FIG4: variants seen among roughly 807,000 people sequenced by gnomAD.
The protein encoded by FIG4 is FIG4 phosphoinositide 5-phosphatase.
A neutral mutation model predicts 118.6 loss-of-function variants in FIG4; 112 were observed. That is an observed-to-expected ratio of 0.94 (90% CI 0.81 to 1.11). The LOEUF (loss-of-function observed/expected upper bound fraction) is 1.11, where lower values mean the gene tolerates loss of function less well. FIG4 is among the 50% of genes least tolerant of loss of function. The probability of loss-of-function intolerance (pLI) is 0.00; values close to 1 mark genes in which losing one functional copy is unlikely to be tolerated. For missense variants in FIG4, 969 were observed against 1,111.7 expected (o/e 0.87, Z 1.83); for synonymous variants, 369 against 381.2 (o/e 0.97, Z 0.37).
chr6:109,800,687 C>A (rs2128399049), intron 22 of FIG4, among the ~76,000 whole-genome samples: 1 of 152,288 alleles, frequency 6.6e-6, no homozygotes, highest in South Asian at 2.1e-4. Flanking sequence ...GGTTGAGGCC[C>A]CATGAGCATC....
chr6:109,769,152 G>C (rs1179319212), intron 15 of FIG4, among the ~76,000 whole-genome samples: 1 of 151,304 alleles, frequency 6.6e-6, no homozygotes, highest in East Asian at 1.9e-4. Context: ...CTACAGGCTG[G>C]AGTGCAGTGG....
At position 109,725,681 on chromosome 6, in the gene FIG4, C is replaced by T. The variant is rs143680208; in HGVS notation, c.290-1428C>T. On this transcript the variant is annotated intron_variant, in intron 3 of 22. Coordinates refer to ENST00000230124, the MANE Select transcript of FIG4 (RefSeq NM_014845.6). ...TCTAGATTCTTGAGGAATCACCACA[C>T]TGTCTTCCACAATGGTTGAACTAAT... 7.5e-3 allele frequency among the ~76,000 whole-genome samples: 1,147 copies of T among 152,308 alleles called. 17 individuals carry two copies. The highest frequency in any genetic ancestry group is 0.026 in the African/African-American group (1,097 of 41,562).
chr6:109,707,361 ACG>A (rs1480307810), intron 1 of FIG4, among the ~76,000 whole-genome samples: 2 of 53,694 alleles, frequency 3.7e-5, no homozygotes, highest in Non-Finnish European at 7.3e-5. Flanking sequence ...ATACATATAT[ACG>A]TGTATATATA....
intron 3 of FIG4, among the ~76,000 whole-genome samples, chr6:109,722,833 A>G (rs540478400): frequency 5.3e-5 from 8 of 152,198 alleles, no homozygotes; most frequent in South Asian, 2.1e-4. Context: ...GACCTTAGCC[A>G]TGCTTGCCTG....
intron 10 of FIG4, among the ~76,000 whole-genome samples, chr6:109,754,549 T>G (rs1456358361): frequency 1.3e-5 from 2 of 152,222 alleles, no homozygotes; most frequent in East Asian, 1.9e-4. Context: ...GGTAGAATTT[T>G]GCTGTGAATC....
intron 15 of FIG4, among the ~76,000 whole-genome samples, chr6:109,775,639 A>G (rs1562676927): frequency 6.6e-6 from 1 of 152,200 alleles, no homozygotes; most frequent in Non-Finnish European, 1.5e-5. Flanking sequence ...AGAGGGTACA[A>G]ATTGGGGCAG....
At chr6:109,709,910 G>A (rs1390097630) in intron 1 of FIG4, among the ~76,000 whole-genome samples, 8 of 152,184 alleles carry the variant, frequency 5.3e-5, no homozygotes, top group Non-Finnish European at 8.8e-5. Flanking sequence ...TGCAAAAAGG[G>A]ATAGTTTGAC....
chr6:109,745,248 A>G lies in FIG4; in HGVS notation c.1137+1476A>G, dbSNP rs1034561046. Among the ~76,000 whole-genome samples the G allele has an allele frequency of 6.6e-5, 10 of 152,152 alleles. 1 individual carries two copies. Among genetic ancestry groups the G allele is most frequent in the African/African-American group, 2.4e-4 (10 of 41,496 alleles). ...TTCCACAATGGTTGAACTAATTTAC[A>G]CTCCCACCAACAGTGTAAAAGCGTT... On this transcript the variant is annotated intron_variant, in intron 10 of 22. Coordinates refer to ENST00000230124, the MANE Select transcript of FIG4 (RefSeq NM_014845.6).
chr6:109,816,985 T>C (rs1312437276), intron 22 of FIG4, among the ~76,000 whole-genome samples: 1 of 152,196 alleles, frequency 6.6e-6, no homozygotes, highest in Non-Finnish European at 1.5e-5. Context: ...CTAGGAAATG[T>C]GAGGACAGAA....
chr6:109,787,573 C>G (rs1778012208), intron 18 of FIG4, among the ~76,000 whole-genome samples: 1 of 152,154 alleles, frequency 6.6e-6, no homozygotes. Flanking sequence ...TCTTTGACAG[C>G]TTCTTGGAAA....
At chr6:109,719,538 C>T (rs1775542380) in intron 3 of FIG4, among the ~76,000 whole-genome samples, 1 of 152,016 alleles carries the variant, frequency 6.6e-6, no homozygotes. Flanking sequence ...CATATGCCGC[C>T]ACGCCCGGCT....
intron 1 of FIG4, among the ~76,000 whole-genome samples, chr6:109,694,649 C>A (rs182291192): frequency 6.6e-6 from 1 of 152,232 alleles, no homozygotes; most frequent in East Asian, 1.9e-4. Context: ...AGTGAAGAGG[C>A]AACCTATAGA....
intron 1 of FIG4, among the ~76,000 whole-genome samples, chr6:109,712,998 G>C (rs1434463029): frequency 6.6e-6 from 1 of 152,100 alleles, no homozygotes; most frequent in Non-Finnish European, 1.5e-5. Context: ...AGATTATAGG[G>C]GGCCAACGTT....
At chr6:109,764,932 T>TTTTTG (rs752136076) in intron 13 of FIG4, 81 bp from the exon 14 acceptor site, 235 of 1,327,384 alleles carry the variant, frequency 1.8e-4, no homozygotes, top group Non-Finnish European at 2.2e-4. Context: ...TTTGTTTTTG[T>TTTTTG]TTCTTAAAGA....
At chr6:109,818,440 T>G (rs540365591) in intron 22 of FIG4, among the ~76,000 whole-genome samples, 18 of 152,276 alleles carry the variant, frequency 1.2e-4, no homozygotes, top group Non-Finnish European at 2.2e-4. Context: ...CCTCAGGTGA[T>G]CTGCCTGCCT....
chr6:109,695,252 G>A (rs546128821), intron 1 of FIG4, among the ~76,000 whole-genome samples: 2 of 152,174 alleles, frequency 1.3e-5, no homozygotes, highest in Non-Finnish European at 2.9e-5. Context: ...AACCATATTG[G>A]TGCAGTCTTT....
At position 109,707,350 on chromosome 6, in the gene FIG4, C is replaced by CCT. The variant is rs1330961169; in HGVS notation, c.67-7728_67-7727insCT. 8.9e-5 allele frequency among the ~76,000 whole-genome samples: 9 copies of CCT among 100,636 alleles called. No homozygotes were observed. The South Asian group carries it at 1.5e-3, about 17-fold the overall frequency. The allele number at this position is 100,636 out of a possible 152,430, so 66.0% of individuals were successfully genotyped here. A position where few individuals can be genotyped will look rare whatever the true frequency, so the allele number is the denominator to read the frequency against. ...GTATAGGTATATATATACATATATA[C>CCT]ATACATATATACGTGTATATATATA... On this transcript the variant is annotated intron_variant, in intron 1 of 22. Coordinates refer to ENST00000230124, the MANE Select transcript of FIG4 (RefSeq NM_014845.6).
chr6:109,765,712 T>G (rs1274004806), intron 14 of FIG4, among the ~76,000 whole-genome samples: 2 of 152,222 alleles, frequency 1.3e-5, no homozygotes, highest in African/African-American at 4.8e-5. Context: ...TCATACATAC[T>G]AAAAATCTAA....
Position 109,825,237 on chromosome 6 carries a change from G to T in FIG4, c.2696G>T (p.Arg899Leu). 1 of 1,614,014 alleles carries T rather than the reference G, an allele frequency of 6.2e-7. No homozygotes were observed. The highest frequency in any genetic ancestry group is 8.5e-7 in the Non-Finnish European group (1 of 1,179,958). ...GGAAAAGAGGACTCCTCCATGTACC[G>T]AGAGTACATCAGGAACCGCTACCTG... ...PLGKEDSSMY[R>L]EYIRNRYL Residue 899 changes from arginine to leucine, a missense_variant, in exon 23 of 23, where the codon CGA becomes CTA. Physicochemically the swap from Arg to Leu is moderately radical, Grantham distance 102. Transcript: ENST00000230124.
Sources: gnomAD v4.1 joint callset for allele counts (sites outside exome capture counted in the v4.1 genomes callset) on GRCh38, gnomAD v4.1.1 for gene constraint, MANE v1.5 for transcripts, NCBI Gene and HGNC (gene_info 2026-07-23, HGNC 2026-07-21) for gene names.